The following ARMH4 variants were observed in gnomAD, a reference collection of about 807,000 sequenced individuals.
ARMH4 encodes armadillo-like helical domain-containing protein 4.
Under a neutral mutation model 61.9 loss-of-function variants are expected in ARMH4, and 49 were observed. That is an observed-to-expected ratio of 0.79 (90% CI 0.63 to 1.00). The LOEUF is 1.00. ARMH4 is among the 50% of genes least tolerant of loss of function. The pLI, the probability that ARMH4 is intolerant of heterozygous loss-of-function variation, is 0.00. For missense variants in ARMH4, 934 were observed against 930.0 expected (o/e 1.00, Z -0.06); for synonymous variants, 368 against 341.5 (o/e 1.08, Z -0.85).
At chr14:58,092,604 G>T (rs1378477267) in intron 5 of ARMH4, among the ~76,000 whole-genome samples, 1 of 152,162 alleles carries the variant, frequency 6.6e-6, no homozygotes, top group Non-Finnish European at 1.5e-5. Context: ...CAGAGGCGTT[G>T]GAGGAGAATC....
chr14:58,086,727 C>T (rs1885396940), intron 5 of ARMH4, among the ~76,000 whole-genome samples: 1 of 151,822 alleles, frequency 6.6e-6, no homozygotes, highest in South Asian at 2.1e-4. Flanking sequence ...CTGAGGTTCC[C>T]CAAAAAAATA....
intron 5 of ARMH4, among the ~76,000 whole-genome samples, chr14:58,039,457 T>G (rs1240341261): frequency 2.6e-5 from 4 of 152,200 alleles, no homozygotes; most frequent in Admixed American, 2.0e-4. Flanking sequence ...CGTTGCATTT[T>G]TACAACACTT....
intron 5 of ARMH4, among the ~76,000 whole-genome samples, chr14:58,091,514 T>C (rs1490116449): frequency 6.6e-6 from 1 of 152,186 alleles, no homozygotes; most frequent in Non-Finnish European, 1.5e-5. Context: ...ATTTCTATAA[T>C]CTATAACTGA....
At chr14:58,090,076 T>C (rs1329619606) in intron 5 of ARMH4, among the ~76,000 whole-genome samples, 3 of 152,204 alleles carry the variant, frequency 2.0e-5, no homozygotes, top group African/African-American at 4.8e-5. Context: ...ATCATGTTTG[T>C]TAAGGATTTC....
At chr14:58,131,880 T>C (rs1594775691) in intron 3 of ARMH4, among the ~76,000 whole-genome samples, 159 bp from the exon 4 acceptor site, 1 of 152,244 alleles carries the variant, frequency 6.6e-6, no homozygotes, top group East Asian at 1.9e-4. Context: ...ATTGTATTAA[T>C]CCAACTCCCC....
At chr14:58,054,987 C>T (rs1286159996) in intron 5 of ARMH4, among the ~76,000 whole-genome samples, 1 of 152,030 alleles carries the variant, frequency 6.6e-6, no homozygotes, top group African/African-American at 2.4e-5. Flanking sequence ...CCCACCTGTC[C>T]TGGTTCAGAC....
chr14:58,102,628 G>A (rs1031118268), intron 4 of ARMH4, among the ~76,000 whole-genome samples: 2 of 149,932 alleles, frequency 1.3e-5, no homozygotes, highest in Non-Finnish European at 3.0e-5. Context: ...TGGCTAACAA[G>A]GTGAAACCCC....
chr14:58,011,082 A>G (rs1345939548), intron 6 of ARMH4, among the ~76,000 whole-genome samples: 1 of 152,152 alleles, frequency 6.6e-6, no homozygotes, highest in Non-Finnish European at 1.5e-5. Context: ...AATTGGACCC[A>G]TTACAAATAC....
chr14:58,027,765 G>A (rs1358323883), intron 5 of ARMH4, among the ~76,000 whole-genome samples: 1 of 152,144 alleles, frequency 6.6e-6, no homozygotes, highest in African/African-American at 2.4e-5. Flanking sequence ...TGATGGATAT[G>A]TTTATGGCTT....
intron 5 of ARMH4, among the ~76,000 whole-genome samples, chr14:58,014,916 T>C (rs1297097068): frequency 1.3e-5 from 2 of 152,016 alleles, no homozygotes; most frequent in African/African-American, 4.8e-5. Flanking sequence ...ATACAATAAA[T>C]AGGGCAAATC....
intron 4 of ARMH4, among the ~76,000 whole-genome samples, chr14:58,122,327 C>G (rs917330416): frequency 9.2e-5 from 14 of 152,214 alleles, no homozygotes; most frequent in Admixed American, 6.5e-4. Flanking sequence ...TAGGAAGAAG[C>G]CTATGAATTA....
chr14:58,137,782 T>G (rs1365258037), intron 2 of ARMH4, among the ~76,000 whole-genome samples: 1 of 152,120 alleles, frequency 6.6e-6, no homozygotes, highest in Non-Finnish European at 1.5e-5. Context: ...AGAAGAGGTC[T>G]CACTATATCA....
intron 5 of ARMH4, among the ~76,000 whole-genome samples, chr14:58,023,081 G>A (rs574692443): frequency 1.3e-5 from 2 of 152,196 alleles, no homozygotes; most frequent in Non-Finnish European, 2.9e-5. Context: ...CAATGCTGAT[G>A]GCCGCTGACT....
At chr14:58,101,869 AAAG>A (rs1371194156) in intron 4 of ARMH4, among the ~76,000 whole-genome samples, 10 of 152,222 alleles carry the variant, frequency 6.6e-5, no homozygotes, top group African/African-American at 1.2e-4. Context: ...TATTCCTCAC[AAAG>A]AAGAAGTCTG....
chr14:58,062,101 G>T (rs1884551215), intron 5 of ARMH4, among the ~76,000 whole-genome samples: 1 of 152,150 alleles, frequency 6.6e-6, no homozygotes, highest in Non-Finnish European at 1.5e-5. Flanking sequence ...CACTTTGGGA[G>T]GCCAAGGAAG....
At chr14:58,139,639 T>C (rs1887463911) in intron 1 of ARMH4, among the ~76,000 whole-genome samples, 1 of 152,226 alleles carries the variant, frequency 6.6e-6, no homozygotes, top group South Asian at 2.1e-4. Context: ...TAGAAAAAGG[T>C]ACACATAGTT....
At position 58,078,899 on chromosome 14, in the gene ARMH4, T is replaced by C. The variant is rs551205399; in HGVS notation, c.2089+17825A>G. ...AACTGGTTGAAACATAGGCATATGA[T>C]ACAACCATGGCCAATGTGAGATGAA... On this transcript the variant is annotated intron_variant, in intron 5 of 7. Transcript: ENST00000267485. Among the ~76,000 whole-genome samples, 9 of 152,350 alleles carry C rather than the reference T, an allele frequency of 5.9e-5. No homozygotes were observed. The South Asian group carries it at 1.7e-3, about 28-fold the overall frequency.
intron 5 of ARMH4, among the ~76,000 whole-genome samples, chr14:58,058,933 T>C (rs1158457557): frequency 6.6e-6 from 1 of 152,188 alleles, no homozygotes; most frequent in African/African-American, 2.4e-5. Flanking sequence ...GACTTGCTCA[T>C]AAAGCAGTAC....
intron 5 of ARMH4, among the ~76,000 whole-genome samples, chr14:58,059,505 A>G (rs178488): frequency 0.31 from 46,630 of 152,180 alleles, 8,766 homozygotes; most frequent in East Asian, 0.64. Context: ...CCCAAGATCT[A>G]GAGAATATAG....
Sources: allele counts gnomAD v4.1 joint callset (sites outside exome capture counted in the v4.1 genomes callset), GRCh38; gene constraint gnomAD v4.1.1; transcripts MANE v1.5; gene names NCBI Gene and HGNC (gene_info 2026-07-23, HGNC 2026-07-21).